The following KHDRBS2 variants were observed in gnomAD, a reference collection of about 807,000 sequenced individuals.
The protein encoded by KHDRBS2 is KH RNA binding domain containing, signal transduction associated 2, also known as KH domain-containing, RNA-binding, signal transduction-associated protein 2.
Under a neutral mutation model 44.3 loss-of-function variants are expected in KHDRBS2, and 26 were observed. The observed-to-expected ratio is 0.59, with a 90% CI of 0.43 to 0.81. The LOEUF is 0.81. Ranked by LOEUF, KHDRBS2 falls within the 40% of genes least tolerant of loss-of-function variation. The pLI, the probability that KHDRBS2 is intolerant of heterozygous loss-of-function variation, is 0.00. For synonymous variants in KHDRBS2, 194 were observed against 151.1 expected, an observed-to-expected ratio of 1.28 and a Z score of -2.08; for missense variants, 476 against 433.1, an observed-to-expected ratio of 1.10 and a Z score of -0.88.
the KHDRBS2 span, among the ~76,000 whole-genome samples, chr6:61,592,209 AAAG>A: frequency 6.6e-6 from 1 of 150,720 alleles, no homozygotes; most frequent in Admixed American, 6.6e-5. Flanking sequence ...AAAAAAAAAA[AAAG>A]AGGAAAGAGA....
At chr6:62,075,723 A>T (rs777921988) in intron 2 of KHDRBS2, among the ~76,000 whole-genome samples, 1 of 151,862 alleles carries the variant, frequency 6.6e-6, no homozygotes, top group Admixed American at 6.6e-5. Flanking sequence ...TTATGCCATG[A>T]GCACAATTTC....
intron 6 of KHDRBS2, among the ~76,000 whole-genome samples, chr6:61,857,944 C>G (rs1194708291): frequency 6.6e-6 from 1 of 151,686 alleles, no homozygotes; most frequent in Non-Finnish European, 1.5e-5. Context: ...TATTATAATA[C>G]GTCTATTATG....
At chr6:62,137,848 T>G (rs1377048137) in intron 2 of KHDRBS2, among the ~76,000 whole-genome samples, 2 of 152,220 alleles carry the variant, frequency 1.3e-5, no homozygotes, top group African/African-American at 2.4e-5. Flanking sequence ...AATATCCCAG[T>G]TCATATTCTG....
chr6:61,851,443 G>A (rs1207623104), intron 6 of KHDRBS2, among the ~76,000 whole-genome samples: 1 of 152,050 alleles, frequency 6.6e-6, no homozygotes, highest in Non-Finnish European at 1.5e-5. Context: ...CAATGTGACT[G>A]TATCTGGAGA....
At position 62,041,070 on chromosome 6, in the gene KHDRBS2, C is replaced by T. The variant is rs146091546; in HGVS notation, c.336+6808G>A. Among the ~76,000 whole-genome samples, 251 of 152,232 alleles carry T rather than the reference C, an allele frequency of 1.6e-3. 1 individual carries two copies. Among genetic ancestry groups the T allele is most frequent in the African/African-American group, 5.8e-3 (243 of 41,558 alleles). On this transcript the variant is annotated intron_variant, in intron 3 of 8. Coordinates refer to ENST00000281156, the MANE Select transcript of KHDRBS2 (RefSeq NM_152688.4). Reference sequence around the variant, plus strand: ...TTTAGGCCAAGCACGGTGGCTCACACTTGTAATCCCAGCACTTTCCGAGGC... The same window carrying T: ...TTTAGGCCAAGCACGGTGGCTCACATTTGTAATCCCAGCACTTTCCGAGGC...
chr6:61,959,716 G>T (rs987280569), intron 4 of KHDRBS2, among the ~76,000 whole-genome samples: 6 of 152,054 alleles, frequency 3.9e-5, no homozygotes, highest in Non-Finnish European at 7.4e-5. Flanking sequence ...TTAAGTTATG[G>T]GTTAGGTAGA....
intron 4 of KHDRBS2, among the ~76,000 whole-genome samples, chr6:61,954,372 T>C (rs544005408): frequency 9.1e-4 from 74 of 81,724 alleles, no homozygotes; most frequent in African/African-American, 2.6e-3. Context: ...CATATATACG[T>C]ATGTATGCAT....
intron 8 of KHDRBS2, among the ~76,000 whole-genome samples, chr6:61,692,342 G>A (rs1379199457): frequency 6.6e-6 from 1 of 151,670 alleles, no homozygotes; most frequent in Admixed American, 6.6e-5. Context: ...GTAACCAATT[G>A]AAAATTAATT....
chr6:61,979,674 C>G (rs1463916181), intron 3 of KHDRBS2, among the ~76,000 whole-genome samples: 1 of 152,206 alleles, frequency 6.6e-6, no homozygotes, highest in Non-Finnish European at 1.5e-5. Context: ...CAAACTCTAC[C>G]TAGGACTTTT....
intron 4 of KHDRBS2, among the ~76,000 whole-genome samples, chr6:61,971,951 T>C (rs977903665): frequency 6.6e-6 from 1 of 152,188 alleles, no homozygotes; most frequent in African/African-American, 2.4e-5. Flanking sequence ...ATTGCTAGAA[T>C]TGTGCCTGGC....
chr6:61,543,099 A>T, the KHDRBS2 span, among the ~76,000 whole-genome samples: 1 of 152,046 alleles, frequency 6.6e-6, no homozygotes, highest in Non-Finnish European at 1.5e-5. Flanking sequence ...AACCAAAGCA[A>T]AAATGGACAA....
At chr6:61,876,686 A>G (rs1033689842) in intron 6 of KHDRBS2, among the ~76,000 whole-genome samples, 1 of 152,036 alleles carries the variant, frequency 6.6e-6, no homozygotes. Context: ...TTTAAATTAA[A>G]AGGACGGGAG....
chr6:61,961,489 G>C (rs1768711866), intron 4 of KHDRBS2, among the ~76,000 whole-genome samples: 1 of 151,958 alleles, frequency 6.6e-6, no homozygotes, highest in East Asian at 1.9e-4. Context: ...GAAAGAGACA[G>C]TACTACAGGG....
chr6:62,079,771 A>G (rs1281798230), intron 2 of KHDRBS2, among the ~76,000 whole-genome samples: 1 of 152,200 alleles, frequency 6.6e-6, no homozygotes, highest in East Asian at 1.9e-4. Flanking sequence ...GGATGAAAGG[A>G]CAGACATATC....
intron 1 of KHDRBS2, among the ~76,000 whole-genome samples, chr6:62,269,477 T>G (rs1254027655): frequency 6.6e-6 from 1 of 152,030 alleles, no homozygotes; most frequent in Non-Finnish European, 1.5e-5. Flanking sequence ...CAAAAGCACA[T>G]GAAAGCATGC....
the KHDRBS2 span, among the ~76,000 whole-genome samples, chr6:61,554,723 C>G: frequency 2.0e-5 from 3 of 152,270 alleles, no homozygotes; most frequent in South Asian, 6.2e-4. Context: ...AATCCGATAG[C>G]ATTTACTTGC....
chr6:61,913,241 G>A (rs1806375983), intron 4 of KHDRBS2, among the ~76,000 whole-genome samples: 1 of 152,018 alleles, frequency 6.6e-6, no homozygotes, highest in African/African-American at 2.4e-5. Flanking sequence ...CTCAAGAAGT[G>A]GAGATCAGCT....
the KHDRBS2 span, among the ~76,000 whole-genome samples, chr6:61,578,952 G>A: frequency 6.6e-6 from 1 of 152,116 alleles, no homozygotes; most frequent in African/African-American, 2.4e-5. Flanking sequence ...CCAGGAGGAA[G>A]TTTGGTAATA....
chr6:61,864,299 G>A (rs1338973780), intron 6 of KHDRBS2, among the ~76,000 whole-genome samples: 4 of 152,086 alleles, frequency 2.6e-5, no homozygotes, highest in Non-Finnish European at 5.9e-5. Flanking sequence ...TGTTATATGT[G>A]GATTTGATCC....
Sources: allele counts gnomAD v4.1 joint callset (sites outside exome capture counted in the v4.1 genomes callset), GRCh38; gene constraint gnomAD v4.1.1; transcripts MANE v1.5; gene names NCBI Gene and HGNC (gene_info 2026-07-23, HGNC 2026-07-21).